MAPKAP1: variants seen among roughly 807,000 people sequenced by gnomAD.
The protein encoded by MAPKAP1 is target of rapamycin complex 2 subunit MAPKAP1.
MAPKAP1 carries 20 observed loss-of-function variants against 65.7 expected under a neutral mutation model. The observed-to-expected ratio is 0.30, with a 90% confidence interval of 0.21 to 0.44. MAPKAP1 has a LOEUF of 0.44. MAPKAP1 is among the 20% of genes least tolerant of loss of function. MAPKAP1 has a pLI of 1.00. For synonymous variants in MAPKAP1, 222 were observed against 244.3 expected (o/e 0.91, Z 0.85); for missense variants, 423 against 648.0 (o/e 0.65, Z 3.77).
Position 125,585,763 on chromosome 9 carries a change from C to T in MAPKAP1, c.499-36G>A, listed in dbSNP as rs746616274. The T allele has an allele frequency of 1.9e-6, 3 of 1,603,868 alleles. No individual in the cohort carries two copies. In the South Asian group the frequency reaches 3.3e-5, roughly 18 times the overall value. ...AACAAACACGTGAGAGCAAAGCACA[C>T]TGCCAGTTATACAGACCCCACTGCT... is the stretch of plus-strand genomic sequence containing the variant. On this transcript the variant is annotated intron_variant, in intron 4 of 11. Transcript: ENST00000265960.
intron 8 of MAPKAP1, among the ~76,000 whole-genome samples, chr9:125,487,615 TAAAAA>T (rs35665829): frequency 2.4e-5 from 3 of 126,832 alleles, no homozygotes; most frequent in Non-Finnish European, 5.0e-5. Flanking sequence ...TGCCAATTAC[TAAAAA>T]AAAAAAAAAA....
At chr9:125,493,967 GATGGGCTGGAAATGCATAACTCC>G (rs1222972333) in intron 8 of MAPKAP1, among the ~76,000 whole-genome samples, 1 of 152,184 alleles carries the variant, frequency 6.6e-6, no homozygotes, top group Non-Finnish European at 1.5e-5. Context: ...ATGTTCCTCA[GATGGGCTGGAAATGCATAACTCC>G]ATGGGCTGTA....
intron 7 of MAPKAP1, among the ~76,000 whole-genome samples, chr9:125,537,690 C>T (rs1464842863): frequency 1.3e-5 from 2 of 152,156 alleles, no homozygotes; most frequent in East Asian, 3.8e-4. Context: ...ACTATGTTGT[C>T]CAGTGTGGTC....
At chr9:125,678,246 T>A (rs1206840615) in intron 1 of MAPKAP1, among the ~76,000 whole-genome samples, 4 of 147,948 alleles carry the variant, frequency 2.7e-5, no homozygotes, top group Non-Finnish European at 5.9e-5. Context: ...TTATTTTATT[T>A]TTATTTATTT....
At chr9:125,705,169 C>A (rs554929869) in intron 1 of MAPKAP1, among the ~76,000 whole-genome samples, 1 of 152,198 alleles carries the variant, frequency 6.6e-6, no homozygotes, top group African/African-American at 2.4e-5. Context: ...CTTTTGGTTT[C>A]AATATGTACT....
intron 5 of MAPKAP1, chr9:125,568,849 G>T: frequency 5.6e-6 from 1 of 177,862 alleles, no homozygotes; most frequent in South Asian, 1.5e-4. Context: ...CTGACAAAAG[G>T]GTAAGAATTT....
intron 4 of MAPKAP1, among the ~76,000 whole-genome samples, chr9:125,593,724 A>C (rs1055886573): frequency 3.3e-5 from 5 of 152,254 alleles, no homozygotes; most frequent in Admixed American, 1.3e-4. Flanking sequence ...GTTGAACAAC[A>C]TTCTCCAGAG....
At chr9:125,486,334 AG>A (rs2133041592) in intron 8 of MAPKAP1, among the ~76,000 whole-genome samples, 1 of 152,286 alleles carries the variant, frequency 6.6e-6, no homozygotes, top group East Asian at 1.9e-4. Context: ...TCACCAGTGC[AG>A]GGGGTAGAAT....
rs183386674 is a variant in MAPKAP1 at position 125,500,708 on chromosome 9, C to T, written c.1066+5602G>A. 3.4e-3 allele frequency among the ~76,000 whole-genome samples: 524 copies of T among 152,308 alleles called. 1 individual carries two copies. Among genetic ancestry groups the T allele is most frequent in the Non-Finnish European group, 6.4e-3 (438 of 68,022 alleles). Reference sequence around the variant, plus strand: ...AAGAAGAGAGACTTCATTTTCACTACAGACACTTTAGTTACCTGAAATTTT... The same window carrying T: ...AAGAAGAGAGACTTCATTTTCACTATAGACACTTTAGTTACCTGAAATTTT... On this transcript the variant is annotated intron_variant, in intron 8 of 11. Coordinates refer to ENST00000265960, the MANE Select transcript of MAPKAP1 (RefSeq NM_001006617.3).
chr9:125,511,863 G>C (rs1419865532), intron 7 of MAPKAP1, among the ~76,000 whole-genome samples: 3 of 152,198 alleles, frequency 2.0e-5, no homozygotes, highest in Non-Finnish European at 4.4e-5. Flanking sequence ...GGAAGATTCT[G>C]GGAAGCAGTT....
intron 10 of MAPKAP1, among the ~76,000 whole-genome samples, chr9:125,451,770 A>T (rs1041268724): frequency 3.5e-4 from 50 of 143,842 alleles, no homozygotes; most frequent in Non-Finnish European, 7.1e-4. Context: ...CCTTCTTTTG[A>T]TCATGTCTTC....
At chr9:125,524,249 C>A (rs1454852505) in intron 7 of MAPKAP1, among the ~76,000 whole-genome samples, 1 of 152,174 alleles carries the variant, frequency 6.6e-6, no homozygotes, top group Non-Finnish European at 1.5e-5. Flanking sequence ...GCACTACCAC[C>A]AATTCATAAG....
chr9:125,672,412 G>T lies in MAPKAP1; in HGVS notation c.163C>A (p.Gln55Lys), dbSNP rs146019612. 1 of 1,613,996 alleles carries T rather than the reference G, an allele frequency of 6.2e-7. No individual in the cohort carries two copies. Among genetic ancestry groups the T allele is most frequent in the Non-Finnish European group, 8.5e-7 (1 of 1,180,016 alleles). ...SMPGDSGSEI[Q>K]GSNGETQGYV... is the part of the protein sequence containing the mutation. ...CCCTGAGTCTCACCATTGCTTCCCT[G>T]AATTTCTGACCCACTGTCTCCAGGC... The change falls in exon 2 of 12, where the codon CAG becomes AAG. Residue 55 changes from glutamine (Q) to lysine (K), a missense_variant. Physicochemically the swap from Gln to Lys is moderately conservative, Grantham distance 53. Transcript: ENST00000265960.
At chr9:125,554,565 G>A (rs537785902) in intron 6 of MAPKAP1, among the ~76,000 whole-genome samples, 11 of 152,258 alleles carry the variant, frequency 7.2e-5, no homozygotes, top group East Asian at 5.8e-4. Context: ...TTGGGAGGCC[G>A]AGGCAGGAGG....
chr9:125,588,091 T>C (rs1831842942), intron 4 of MAPKAP1, among the ~76,000 whole-genome samples: 1 of 152,186 alleles, frequency 6.6e-6, no homozygotes, highest in Non-Finnish European at 1.5e-5. Context: ...ACTAAAAACA[T>C]ATGCTCACAT....
chr9:125,487,627 A>AC (rs964130583), intron 8 of MAPKAP1, among the ~76,000 whole-genome samples: 35 of 151,888 alleles, frequency 2.3e-4, no homozygotes, highest in African/African-American at 7.7e-4. Context: ...AAAAAAAAAA[A>AC]AAAAAACCCA....
intron 2 of MAPKAP1, among the ~76,000 whole-genome samples, chr9:125,670,284 T>C (rs1225375854): frequency 6.6e-6 from 1 of 152,074 alleles, no homozygotes; most frequent in South Asian, 2.1e-4. Flanking sequence ...AGGAATAAAA[T>C]TACTGTTATG....
chr9:125,536,881 G>A (rs1350525785), intron 7 of MAPKAP1, among the ~76,000 whole-genome samples: 1 of 152,216 alleles, frequency 6.6e-6, no homozygotes, highest in Non-Finnish European at 1.5e-5. Context: ...TAGGACAGGT[G>A]TATGTTGCTT....
At chr9:125,449,832 C>A (rs1852874756) in intron 10 of MAPKAP1, among the ~76,000 whole-genome samples, 1 of 152,202 alleles carries the variant, frequency 6.6e-6, no homozygotes, top group Non-Finnish European at 1.5e-5. Context: ...CTTAAACATA[C>A]ATGAACAGCA....
Sources: gnomAD v4.1 joint callset for allele counts (sites outside exome capture counted in the v4.1 genomes callset) on GRCh38, gnomAD v4.1.1 for gene constraint, MANE v1.5 for transcripts, NCBI Gene and HGNC (gene_info 2026-07-23, HGNC 2026-07-21) for gene names.